The following NRG2 variants were observed in gnomAD, a reference collection of about 807,000 sequenced individuals.
NRG2 encodes pro-neuregulin-2, membrane-bound isoform.
NRG2 carries 27 observed loss-of-function variants against 73.9 expected under a neutral mutation model. The observed-to-expected ratio is 0.37, with a 90% CI of 0.27 to 0.50. NRG2 has a LOEUF of 0.50. Among genes scored for constraint, NRG2 ranks in the 20% least tolerant of loss-of-function variants. The pLI is 0.96. For missense variants in NRG2, 1,126 were observed against 1,210.1 expected (o/e 0.93, Z 1.03); for synonymous variants, 532 against 541.0 (o/e 0.98, Z 0.23).
intron 1 of NRG2, among the ~76,000 whole-genome samples, chr5:139,967,203 A>G (rs549048040): frequency 1.4e-4 from 22 of 152,258 alleles, no homozygotes; most frequent in South Asian, 2.1e-4. Context: ...CAAGAAAGCT[A>G]TTTAGAGTCA....
rs769108850 is a variant in NRG2 at position 139,848,048 on chromosome 5, C to G, written c.2422G>C (p.Asp808His). Residue 808 changes from aspartate to histidine, a missense_variant, in exon 10 of 10, where the codon GAC becomes CAC. Asp to His is a moderately conservative substitution (Grantham distance 81, BLOSUM62 -1). Coordinates refer to ENST00000361474, the MANE Select transcript of NRG2 (RefSeq NM_004883.3). ...LRGAHDALRS[D>H]SPPLCPAADS... ...GCCGCCGGGCACAGTGGCGGCGAGT[C>G]CGAGCGCAGCGCGTCGTGCGCCCCA... 7 of 1,505,944 alleles carry G rather than the reference C, an allele frequency of 4.6e-6. No homozygotes were observed. The East Asian group carries it at 1.9e-4, about 41-fold the overall frequency. The allele number at this position is 1,505,944 out of a possible 1,614,324, so 93.3% of individuals were successfully genotyped here. A position where few individuals can be genotyped will look rare whatever the true frequency, so the allele number is the denominator to read the frequency against.
chr5:139,965,313 T>C (rs904263950), intron 1 of NRG2, among the ~76,000 whole-genome samples: 2 of 152,196 alleles, frequency 1.3e-5, no homozygotes, highest in Non-Finnish European at 2.9e-5. Context: ...ACACCCCGAC[T>C]CTCTCAACTC....
intron 1 of NRG2, among the ~76,000 whole-genome samples, chr5:139,957,683 G>T (rs1754739396): frequency 6.6e-6 from 1 of 152,228 alleles, no homozygotes; most frequent in Non-Finnish European, 1.5e-5. Context: ...AAGAGCTGCA[G>T]GTGGTGACGT....
chr5:139,934,970 G>A (rs1339537690), intron 1 of NRG2, among the ~76,000 whole-genome samples: 1 of 152,164 alleles, frequency 6.6e-6, no homozygotes, highest in Non-Finnish European at 1.5e-5. Flanking sequence ...TTCGAAACCA[G>A]CCTGGCCAAA....
intron 1 of NRG2, among the ~76,000 whole-genome samples, chr5:139,966,877 G>A (rs1456171515): frequency 6.6e-6 from 1 of 152,222 alleles, no homozygotes; most frequent in East Asian, 1.9e-4. Flanking sequence ...TGCTCATGCA[G>A]AAGGCTAGTG....
chr5:140,032,098 C>T (rs530044861), intron 1 of NRG2, among the ~76,000 whole-genome samples: 86 of 152,270 alleles, frequency 5.6e-4, no homozygotes, highest in African/African-American at 1.9e-3. Context: ...ACTCCTAATT[C>T]GTGATCTCAG....
chr5:139,909,713 A>T (rs1765464480), intron 1 of NRG2, among the ~76,000 whole-genome samples: 1 of 152,198 alleles, frequency 6.6e-6, no homozygotes, highest in Non-Finnish European at 1.5e-5. Context: ...TCCCTGCAGG[A>T]CCAGAGAAAT....
chr5:139,962,099 G>A (rs1383951097), intron 1 of NRG2, among the ~76,000 whole-genome samples: 1 of 152,062 alleles, frequency 6.6e-6, no homozygotes, highest in Non-Finnish European at 1.5e-5. Context: ...TGTCTCCCTG[G>A]CCCCAGGAAC....
chr5:140,042,725 G>T lies in NRG2; in HGVS notation c.345C>A (p.Pro115=). 1 of 1,568,378 alleles carries T rather than the reference G, an allele frequency of 6.4e-7. No individual in the cohort carries two copies. The highest frequency in any genetic ancestry group is 8.6e-7 in the Non-Finnish European group (1 of 1,157,560). ...LFGVSLACYS[P]SLKSVQDQAY... ...CCTGGTCCTGCACTGACTTGAGGCT[G>T]GGCGAGTAGCAGGCGAGCGACACAC... Residue 115 remains proline (P), a synonymous_variant, in exon 1 of 10, where the codon CCC becomes CCA. Transcript: ENST00000361474.
At chr5:139,938,910 AAAGAAAG>A in intron 1 of NRG2, among the ~76,000 whole-genome samples, 1 of 69,734 alleles carries the variant, frequency 1.4e-5, no homozygotes, top group South Asian at 4.3e-4. Flanking sequence ...GAAAGAAAAG[AAAGAAAG>A]AAAGAAAGAA....
chr5:140,000,550 C>T (rs1039560623), intron 1 of NRG2, among the ~76,000 whole-genome samples: 4 of 152,234 alleles, frequency 2.6e-5, no homozygotes, highest in African/African-American at 7.2e-5. Context: ...ACACCGAAGG[C>T]GGGCAGGCAG....
At chr5:140,010,617 A>T (rs563451210) in intron 1 of NRG2, among the ~76,000 whole-genome samples, 1 of 152,318 alleles carries the variant, frequency 6.6e-6, no homozygotes, top group East Asian at 1.9e-4. Context: ...AAGTCTTAAA[A>T]AAAAAAACAG....
rs183702261 is a variant in NRG2 at position 139,889,737 on chromosome 5, G to A, written c.701-2226C>T. On this transcript the variant is annotated intron_variant, in intron 1 of 9. Coordinates refer to ENST00000361474, the MANE Select transcript of NRG2 (RefSeq NM_004883.3). ...TGTATACTGCTGTATGGGGGAGGAT[G>A]GCTCTAGACTCAGGCTGTCTGGCTT... 3.9e-5 allele frequency among the ~76,000 whole-genome samples: 6 copies of A among 152,320 alleles called. No individual in the cohort carries two copies. The East Asian group carries it at 1.2e-3, about 29-fold the overall frequency.
At chr5:139,938,855 A>AGAG (rs1287923149) in intron 1 of NRG2, among the ~76,000 whole-genome samples, 1 of 80,704 alleles carries the variant, frequency 1.2e-5, no homozygotes, top group Non-Finnish European at 2.3e-5. Context: ...AAGGGAAGAG[A>AGAG]GAGAGAGAGA....
In NRG2 at chr5:139,870,481, G is replaced by C. The variant is rs77660991; in HGVS notation, c.1112+1240C>G. On this transcript the variant is annotated intron_variant, in intron 4 of 9. Transcript: ENST00000361474. This position sits in a 1 kb window ranked among gnomAD's most constrained non-coding sequence, Gnocchi z 4.4. ...CTTCTCAGACCAGGCTCACATTCCC[G>C]GGCAAGGGTGTGCCCAGGAAGGGGG... Among the ~76,000 whole-genome samples, 3 of 152,150 alleles carry C rather than the reference G, an allele frequency of 2.0e-5. No individual in the cohort carries two copies. The highest frequency in any genetic ancestry group is 2.4e-5 in the African/African-American group (1 of 41,430).
At chr5:139,970,673 C>G (rs369599482) in intron 1 of NRG2, among the ~76,000 whole-genome samples, 4 of 152,190 alleles carry the variant, frequency 2.6e-5, no homozygotes, top group African/African-American at 9.7e-5. Context: ...TAGCATGCAA[C>G]CTGTGCATGA....
At chr5:139,932,615 A>AT (rs1752561144) in intron 1 of NRG2, among the ~76,000 whole-genome samples, 1 of 152,162 alleles carries the variant, frequency 6.6e-6, no homozygotes, top group African/African-American at 2.4e-5. Flanking sequence ...CATTAAGTAG[A>AT]TTTTATCTGT....
At chr5:139,930,436 C>T (rs938315065) in intron 1 of NRG2, among the ~76,000 whole-genome samples, 1 of 152,164 alleles carries the variant, frequency 6.6e-6, no homozygotes, top group Admixed American at 6.5e-5. Context: ...GTAAGGTATG[C>T]TTGGAAAAGG....
rs575796248 is a variant in NRG2, at chr5:139,900,240, A to G, written c.701-12729T>C. Among the ~76,000 whole-genome samples, 9 of 152,358 alleles carry G rather than the reference A, an allele frequency of 5.9e-5. No homozygotes were observed. The South Asian group carries it at 1.9e-3, about 32-fold the overall frequency. ...TCTGGTCTTACCCTCGGTTCTGATC[A>G]TAGGTAGTTGTATAAGGATCTGTCT... On this transcript the variant is annotated intron_variant, in intron 1 of 9. Coordinates refer to ENST00000361474, the MANE Select transcript of NRG2 (RefSeq NM_004883.3).
Sources: allele counts gnomAD v4.1 joint callset (sites outside exome capture counted in the v4.1 genomes callset), GRCh38; gene constraint gnomAD v4.1.1; non-coding constraint Gnocchi (gnomAD v3.1); transcripts MANE v1.5; gene names NCBI Gene and HGNC (gene_info 2026-07-23, HGNC 2026-07-21).